FSIP2: variants seen among roughly 807,000 people sequenced by gnomAD.
FSIP2 encodes fibrous sheath-interacting protein 2.
FSIP2 carries 367 observed loss-of-function variants against 510.5 expected under a neutral mutation model. The observed-to-expected ratio is 0.72, with a 90% CI of 0.66 to 0.78. The LOEUF is 0.78. FSIP2 is among the 30% of genes least tolerant of loss of function. The pLI, the probability that FSIP2 is intolerant of heterozygous loss-of-function variation, is 0.00. For missense variants in FSIP2, 7,594 were observed against 7,901.7 expected, an observed-to-expected ratio of 0.96 and a Z score of 1.48; for synonymous variants, 2,601 against 2,732.2, an observed-to-expected ratio of 0.95 and a Z score of 1.50.
chr2:185,795,548 G>T lies in FSIP2; in HGVS notation c.8412G>T (p.Gly2804=), dbSNP rs561470131. The change falls in exon 16 of 23, where the codon GGG becomes GGT. Residue 2804 remains glycine, a synonymous_variant. Coordinates refer to ENST00000424728, the MANE Select transcript of FSIP2 (RefSeq NM_173651.4). The part of the protein sequence containing the change: ...MKSSHLRLSQ[G]NIGTGSLPKQ... Reference sequence around the variant, plus strand: ...CCTCACATCTCAGACTTTCACAGGGGAATATAGGCACAGGATCCCTTCCTA... The same window carrying T: ...CCTCACATCTCAGACTTTCACAGGGTAATATAGGCACAGGATCCCTTCCTA... The T allele has an allele frequency of 4.6e-5, 70 of 1,534,966 alleles. No homozygotes were observed. In the East Asian group the frequency reaches 1.6e-3, roughly 35 times the overall value.
chr2:185,824,766 T>C (rs1693985412), intron 20 of FSIP2, among the ~76,000 whole-genome samples: 1 of 151,800 alleles, frequency 6.6e-6, no homozygotes, highest in African/African-American at 2.4e-5. Flanking sequence ...TAGAGTGTAT[T>C]GTAACAGCAG....
At chr2:185,757,897 C>T (rs940972124) in intron 9 of FSIP2, among the ~76,000 whole-genome samples, 1 of 151,092 alleles carries the variant, frequency 6.6e-6, no homozygotes, top group African/African-American at 2.4e-5. Flanking sequence ...ATATGTAGAA[C>T]AGTCCAGCAT....
chr2:185,769,102 C>T lies in FSIP2; in HGVS notation c.1411+4537C>T, dbSNP rs115918560. 6.0e-3 allele frequency among the ~76,000 whole-genome samples: 909 copies of T among 152,196 alleles called. 8 individuals are homozygous for T. Among genetic ancestry groups the T allele is most frequent in the African/African-American group, 0.02 (850 of 41,520 alleles). On this transcript the variant is annotated intron_variant, in intron 13 of 22. Coordinates refer to ENST00000424728, the MANE Select transcript of FSIP2 (RefSeq NM_173651.4). ...ATGTGCTGCAATGAACATACACATG[C>T]GTGTGTCTTTATGATAGAATGGTGT... is the stretch of plus-strand genomic sequence containing the variant.
intron 9 of FSIP2, among the ~76,000 whole-genome samples, chr2:185,758,173 T>C (rs991292105): frequency 6.6e-6 from 1 of 151,298 alleles, no homozygotes; most frequent in Non-Finnish European, 1.5e-5. Context: ...CAATAGTTTG[T>C]TCCTTTCCAT....
chr2:185,751,586 GC>G (rs1206186011), intron 7 of FSIP2, among the ~76,000 whole-genome samples: 2 of 150,662 alleles, frequency 1.3e-5, no homozygotes, highest in African/African-American at 4.9e-5. Context: ...TACATTTAGT[GC>G]GATTATTAAC....
In FSIP2 at chr2:185,811,100, TATTCTCAGATGC is replaced by T. The variant is rs538819612; in HGVS notation, c.19827+1969_19827+1980del. On this transcript the variant is annotated intron_variant, in intron 17 of 22. Coordinates refer to ENST00000424728, the MANE Select transcript of FSIP2 (RefSeq NM_173651.4). ...CTATTCTCAGATGCTTCTAACAGCC[TATTCTCAGATGC>T]AGGAGGAAAGAAATGACTTAAATTT... 3.6e-3 allele frequency among the ~76,000 whole-genome samples: 546 copies of T among 152,174 alleles called. 1 individual carries two copies. Among genetic ancestry groups the T allele is most frequent in the Admixed American group, 9.7e-3 (148 of 15,266 alleles).
At chr2:185,776,659 A>G (rs1692729043) in intron 13 of FSIP2, among the ~76,000 whole-genome samples, 1 of 152,194 alleles carries the variant, frequency 6.6e-6, no homozygotes, top group Non-Finnish European at 1.5e-5. Flanking sequence ...AAAATATGTG[A>G]TATGATATAT....
intron 13 of FSIP2, among the ~76,000 whole-genome samples, chr2:185,779,811 G>C (rs1350601185): frequency 6.6e-6 from 1 of 151,996 alleles, no homozygotes; most frequent in African/African-American, 2.4e-5. Context: ...TCTTTAGAAA[G>C]GTCTTTAGTG....
In FSIP2 at chr2:185,799,703, G is replaced by A. The variant is rs1209606186; in HGVS notation, c.10397G>A (p.Ser3466Asn). Residue 3466 changes from serine (S) to asparagine (N), a missense_variant, in exon 17 of 23, where the codon AGT (serine) becomes AAT (asparagine). Physicochemically the swap from Ser to Asn is conservative, Grantham distance 46. Coordinates refer to ENST00000424728, the MANE Select transcript of FSIP2 (RefSeq NM_173651.4). Reference sequence around the variant, plus strand: ...CAATGTTTCCTTTTTTAAGTTTTTAGTGAGGAAAAGATGTCTGTTTCTACA... The same window carrying A: ...CAATGTTTCCTTTTTTAAGTTTTTAATGAGGAAAAGATGTCTGTTTCTACA... ...YLKNFETTVF[S>N]EEKMSVSTWS... is the part of the protein sequence containing the mutation. 1 of 1,281,398 alleles carries A rather than the reference G, an allele frequency of 7.8e-7. No homozygotes were observed. Among genetic ancestry groups the A allele is most frequent in the Non-Finnish European group, 1.0e-6 (1 of 972,854 alleles). The allele number at this position is 1,281,398 out of a possible 1,614,324, so 79.4% of individuals were successfully genotyped here.
Position 185,795,585 on chromosome 2 carries a change from T to G in FSIP2, c.8449T>G (p.Cys2817Gly), listed in dbSNP as rs1052748156. ...GTGSLPKQQACFYLENVSSQL... is the reference protein window; with the variant it reads ...GTGSLPKQQAGFYLENVSSQL... ...AGGATCCCTTCCTAAACAACAAGCATGTTTTTACTTGGAGAATGTTTCTTC... is the reference window on the plus strand; with the variant it reads ...AGGATCCCTTCCTAAACAACAAGCAGGTTTTTACTTGGAGAATGTTTCTTC... Residue 2817 changes from cysteine to glycine, a missense_variant, in exon 16 of 23, where the codon TGT (cysteine) becomes GGT (glycine). Transcript: ENST00000424728. The G allele has an allele frequency of 3.9e-6, 6 of 1,535,026 alleles. No individual in the cohort carries two copies. Among genetic ancestry groups the G allele is most frequent in the Admixed American group, 3.9e-5 (2 of 50,880 alleles).
chr2:185,827,863 G>A (rs1473209002), intron 20 of FSIP2, among the ~76,000 whole-genome samples: 1 of 151,872 alleles, frequency 6.6e-6, no homozygotes, highest in Non-Finnish European at 1.5e-5. Flanking sequence ...GAATGGTTGT[G>A]CATAGATGTA....
chr2:185,801,785 C>T lies in FSIP2; in HGVS notation c.12479C>T (p.Thr4160Ile), dbSNP rs1693442544. 2.0e-6 allele frequency: 3 copies of T among 1,501,184 alleles called. No individual in the cohort carries two copies. Among genetic ancestry groups the T allele is most frequent in the Non-Finnish European group, 2.7e-6 (3 of 1,129,996 alleles). 93.0% of individuals were successfully genotyped at this position (1,501,184 alleles called of 1,614,324 possible). ...LLSQLIPPPITCSSLGKKYLM... is the reference protein window; with the variant it reads ...LLSQLIPPPIICSSLGKKYLM... The stretch of plus-strand genomic sequence containing the variant: ...TCTCAGCTAATTCCTCCACCCATTA[C>T]ATGTTCCTCTTTAGGAAAAAAATAT... Residue 4160 changes from threonine (T) to isoleucine (I), a missense_variant, in exon 17 of 23, where the codon ACA (threonine) becomes ATA (isoleucine). Coordinates refer to ENST00000424728, the MANE Select transcript of FSIP2 (RefSeq NM_173651.4).
In FSIP2 at chr2:185,802,834, G is replaced by A. The variant is rs1256967216; in HGVS notation, c.13528G>A (p.Val4510Ile). The A allele has an allele frequency of 2.0e-6, 3 of 1,516,824 alleles. No individual in the cohort carries two copies. The East Asian group carries it at 7.4e-5, about 37-fold the overall frequency. The allele number at this position is 1,516,824 out of a possible 1,614,324, so 94.0% of individuals were successfully genotyped here. The change falls in exon 17 of 23, where the codon GTT (valine) becomes ATT (isoleucine). Residue 4510 changes from valine (V) to isoleucine (I), a missense_variant. Physicochemically the swap from Val to Ile is conservative, Grantham distance 29 (BLOSUM62 3). Transcript: ENST00000424728. ...VNFNDIASNLVSDIRMKVSQH... is the reference protein window; with the variant it reads ...VNFNDIASNLISDIRMKVSQH... The stretch of plus-strand genomic sequence containing the variant: ...TTTCAATGACATTGCTTCAAACCTA[G>A]TTAGTGATATTAGGATGAAAGTTTC...
chr2:185,803,860 CAG>C lies in FSIP2; in HGVS notation c.14557_14558del (p.Ser4853TyrfsTer12), dbSNP rs1240140015. 6.6e-7 allele frequency: 1 copy of C among 1,514,388 alleles called. No homozygotes were observed. The allele number at this position is 1,514,388 out of a possible 1,614,324, so 93.8% of individuals were successfully genotyped here. On this transcript the variant is annotated frameshift_variant, in exon 17 of 23. Coordinates refer to ENST00000424728, the MANE Select transcript of FSIP2 (RefSeq NM_173651.4). LOFTEE classifies it high-confidence loss of function. ...ICIIKYGNKK[Q>X]SMISAKDIQS... is the part of the protein sequence containing the mutation. ...TATTATTAAATATGGGAATAAAAAACAGAGTATGATTTCAGCAAAAGATATCC... is the reference window on the plus strand; with the variant it reads ...TATTATTAAATATGGGAATAAAAAACAGTATGATTTCAGCAAAAGATATCC...
intron 19 of FSIP2, among the ~76,000 whole-genome samples, chr2:185,815,792 T>C (rs1693814714): frequency 1.3e-5 from 2 of 152,048 alleles, no homozygotes; most frequent in South Asian, 2.1e-4. Flanking sequence ...AAATGAAATA[T>C]GCAGTATCAG....
intron 19 of FSIP2, among the ~76,000 whole-genome samples, chr2:185,816,393 T>C (rs1183840310): frequency 6.6e-6 from 1 of 152,016 alleles, no homozygotes; most frequent in East Asian, 1.9e-4. Flanking sequence ...TAAATAATAC[T>C]AAATAAAAAT....
chr2:185,783,768 C>A (rs1460266229), intron 14 of FSIP2: 1 of 152,002 alleles, frequency 6.6e-6, no homozygotes, highest in Non-Finnish European at 1.5e-5. Context: ...AATATAAATA[C>A]CTACCTCTTT....
At chr2:185,829,801 G>A (rs777544045) in intron 21 of FSIP2, among the ~76,000 whole-genome samples, 1 of 151,914 alleles carries the variant, frequency 6.6e-6, no homozygotes, top group Non-Finnish European at 1.5e-5. Context: ...ACTAGAAACA[G>A]CACACACACA....
In FSIP2 at chr2:185,805,930, A is replaced by C. The variant is rs376721232; in HGVS notation, c.16624A>C (p.Thr5542Pro). ...HSENVSKVTS[T>P]TTVKSKDTQE... ...TGAGAATGTATCAAAAGTTACTTCAACTACCACTGTGAAAAGTAAAGATAC... is the reference window on the plus strand; with the variant it reads ...TGAGAATGTATCAAAAGTTACTTCACCTACCACTGTGAAAAGTAAAGATAC... The change falls in exon 17 of 23, where the codon ACT (threonine) becomes CCT (proline). Residue 5542 changes from threonine to proline, a missense_variant. Coordinates refer to ENST00000424728, the MANE Select transcript of FSIP2 (RefSeq NM_173651.4). 5.7e-6 allele frequency: 9 copies of C among 1,591,282 alleles called. No individual in the cohort carries two copies. In the East Asian group the frequency reaches 2.0e-4, roughly 36 times the overall value.
Sources: allele counts gnomAD v4.1 joint callset (sites outside exome capture counted in the v4.1 genomes callset), GRCh38; gene constraint gnomAD v4.1.1; transcripts MANE v1.5; gene names NCBI Gene and HGNC (gene_info 2026-07-23, HGNC 2026-07-21).